Variants in PDE7B observed in about 807,000 individuals in gnomAD.
The protein encoded by PDE7B is 3',5'-cyclic-AMP phosphodiesterase 7B.
A neutral mutation model predicts 56.2 loss-of-function variants in PDE7B; 29 were observed. That is an observed-to-expected ratio of 0.52 (90% CI 0.38 to 0.70). The LOEUF (loss-of-function observed/expected upper bound fraction) is 0.70, where lower values mean the gene tolerates loss of function less well. Among genes scored for constraint, PDE7B ranks in the 30% least tolerant of loss-of-function variants. The pLI, the probability that PDE7B is intolerant of heterozygous loss-of-function variation, is 0.00. For synonymous variants in PDE7B, 197 were observed against 196.9 expected, an observed-to-expected ratio of 1.00 and a Z score of 0.00; for missense variants, 490 against 565.0, an observed-to-expected ratio of 0.87 and a Z score of 1.35.
At position 136,170,605 on chromosome 6, in the gene PDE7B, T is replaced by C. The variant is rs117456786; in HGVS notation, c.712-3192T>C. 3.3e-4 allele frequency among the ~76,000 whole-genome samples: 51 copies of C among 152,270 alleles called. No homozygotes were observed. The East Asian group carries it at 9.8e-3, about 29-fold the overall frequency. ...GTCTTAGTCCATTTTCTGTTGCTTA[T>C]AACAGAATACCTGAAACTGAGTAAT... On this transcript the variant is annotated intron_variant, in intron 8 of 12. Transcript: ENST00000308191.
chr6:135,857,035 TCCCTCCCTCCC>T lies in PDE7B; in HGVS notation c.21+5017_21+5027del, dbSNP rs1562412184. On this transcript the variant is annotated intron_variant, in intron 1 of 12. Coordinates refer to ENST00000308191, the MANE Select transcript of PDE7B (RefSeq NM_018945.4). ...CCTCTTACTCCTTTTCCTCCCTCCC[TCCCTCCCTCCC>T]TCCCTCCCTTCCTTCCTCCCTTCCT... Among the ~76,000 whole-genome samples, 15 of 20,600 alleles carry T rather than the reference TCCCTCCCTCCC, an allele frequency of 7.3e-4. 1 individual carries two copies. In the Middle Eastern group the frequency reaches 0.094, roughly 129 times the overall value. 13.5% of individuals were successfully genotyped at this position (20,600 alleles called of 152,430 possible). A position where few individuals can be genotyped will look rare whatever the true frequency, so the allele number is the denominator to read the frequency against.
chr6:135,922,573 A>G (rs532462188), intron 1 of PDE7B, among the ~76,000 whole-genome samples: 1 of 152,318 alleles, frequency 6.6e-6, no homozygotes, highest in African/African-American at 2.4e-5. Flanking sequence ...GAGGAGATAC[A>G]TGGCATTTTT....
rs3037775 is a variant in PDE7B at position 135,924,617 on chromosome 6, CTTTTTT to C, written c.22-22827_22-22822del. Among the ~76,000 whole-genome samples, 406 of 49,592 alleles carry C rather than the reference CTTTTTT, an allele frequency of 8.2e-3. 5 individuals carry two copies. The highest frequency in any genetic ancestry group is 0.033 in the African/African-American group (327 of 10,052). 32.5% of individuals were successfully genotyped at this position (49,592 alleles called of 152,430 possible). ...TGAGTAGTGGAATCTCTCTCTCTCT[CTTTTTT>C]TTTTTTTTTTTTTTTTTTTGTGGGA... is the stretch of plus-strand genomic sequence containing the variant. On this transcript the variant is annotated intron_variant, in intron 1 of 12. Transcript: ENST00000308191.
chr6:136,173,082 G>GGGA (rs1474839165), intron 8 of PDE7B, among the ~76,000 whole-genome samples: 2 of 152,032 alleles, frequency 1.3e-5, no homozygotes, highest in East Asian at 3.9e-4. Flanking sequence ...TACTGCCCAA[G>GGGA]GTAATTTATA....
At chr6:135,953,058 AT>A (rs1339773982) in intron 2 of PDE7B, among the ~76,000 whole-genome samples, 2 of 152,000 alleles carry the variant, frequency 1.3e-5, no homozygotes, top group Admixed American at 6.6e-5. Flanking sequence ...TTCTGGTTTG[AT>A]TTTTTTTAAA....
intron 1 of PDE7B, among the ~76,000 whole-genome samples, chr6:135,913,227 G>A (rs772531580): frequency 3.9e-5 from 6 of 152,030 alleles, no homozygotes; most frequent in Non-Finnish European, 8.8e-5. Flanking sequence ...AAAAAATTAA[G>A]TCTCCCAGAT....
intron 3 of PDE7B, among the ~76,000 whole-genome samples, chr6:136,142,266 G>A (rs1256009323): frequency 6.6e-6 from 1 of 151,992 alleles, no homozygotes; most frequent in Non-Finnish European, 1.5e-5. Context: ...TGAGCAGTTT[G>A]GAGTGAGTTT....
intron 8 of PDE7B, among the ~76,000 whole-genome samples, chr6:136,172,335 T>G (rs1489717200): frequency 6.6e-6 from 1 of 152,242 alleles, no homozygotes; most frequent in East Asian, 1.9e-4. Context: ...CCATTCTAAC[T>G]GGTGTGAGAT....
intron 1 of PDE7B, among the ~76,000 whole-genome samples, chr6:135,908,421 G>T (rs941724018): frequency 1.3e-5 from 2 of 151,720 alleles, no homozygotes; most frequent in African/African-American, 4.8e-5. Flanking sequence ...GTGTAAATTG[G>T]TCCAATTTCC....
intron 11 of PDE7B, among the ~76,000 whole-genome samples, chr6:136,182,354 G>T (rs747794633): frequency 6.6e-5 from 10 of 152,126 alleles, no homozygotes; most frequent in African/African-American, 1.9e-4. Flanking sequence ...AGCTCTAGTT[G>T]CCCCTAAATA....
At chr6:136,185,217 C>G (rs1381194069) in intron 11 of PDE7B, among the ~76,000 whole-genome samples, 1 of 152,116 alleles carries the variant, frequency 6.6e-6, no homozygotes, top group African/African-American at 2.4e-5. Flanking sequence ...TTACCAGGCA[C>G]AAGAGACCCC....
intron 1 of PDE7B, among the ~76,000 whole-genome samples, chr6:135,904,915 GA>G (rs1438021500): frequency 6.6e-6 from 1 of 152,210 alleles, no homozygotes; most frequent in African/African-American, 2.4e-5. Flanking sequence ...CTGGGTGACA[GA>G]ACTTTTAGGA....
At chr6:136,126,262 A>C (rs1180043470) in intron 3 of PDE7B, among the ~76,000 whole-genome samples, 1 of 151,642 alleles carries the variant, frequency 6.6e-6, no homozygotes, top group Non-Finnish European at 1.5e-5. Flanking sequence ...CATGTCCACC[A>C]CTCCCTCCTC....
At chr6:135,853,047 G>A (rs115804279) in intron 1 of PDE7B, among the ~76,000 whole-genome samples, 2 of 152,198 alleles carry the variant, frequency 1.3e-5, no homozygotes, top group Admixed American at 6.5e-5. Context: ...CCAAAGAGTC[G>A]GTTTTTGTAA....
At chr6:136,011,899 A>G (rs576141034) in intron 2 of PDE7B, among the ~76,000 whole-genome samples, 2 of 152,316 alleles carry the variant, frequency 1.3e-5, no homozygotes, top group African/African-American at 4.8e-5. Flanking sequence ...TTGGAAAATG[A>G]TAATGATTTA....
intron 2 of PDE7B, among the ~76,000 whole-genome samples, chr6:136,079,353 T>C (rs1777171568): frequency 6.6e-6 from 1 of 152,218 alleles, no homozygotes; most frequent in Admixed American, 6.5e-5. Flanking sequence ...ACCTTCAAAC[T>C]GTGTTGTTCC....
intron 3 of PDE7B, among the ~76,000 whole-genome samples, chr6:136,119,909 G>A (rs896650917): frequency 1.1e-4 from 17 of 152,284 alleles, no homozygotes; most frequent in African/African-American, 4.1e-4. Context: ...TCCCCTTGAA[G>A]GTGGTTGGTG....
intron 2 of PDE7B, among the ~76,000 whole-genome samples, chr6:136,007,581 C>G (rs555335814): frequency 1.3e-5 from 2 of 150,678 alleles, no homozygotes; most frequent in East Asian, 3.9e-4. Context: ...ATGTAGCTGA[C>G]AAGTCTGTGT....
chr6:136,021,872 C>T (rs1460627411), intron 2 of PDE7B, among the ~76,000 whole-genome samples: 1 of 152,188 alleles, frequency 6.6e-6, no homozygotes, highest in African/African-American at 2.4e-5. Flanking sequence ...CTTGTAATGG[C>T]TTGTCATCAC....
Sources: allele counts gnomAD v4.1 joint callset (sites outside exome capture counted in the v4.1 genomes callset), GRCh38; gene constraint gnomAD v4.1.1; transcripts MANE v1.5; gene names NCBI Gene and HGNC (gene_info 2026-07-23, HGNC 2026-07-21).